Variants in HOOK3 observed in about 807,000 individuals in gnomAD.
HOOK3 encodes the protein hook microtubule tethering protein 3.
Under a neutral mutation model 116.3 loss-of-function variants are expected in HOOK3, and 24 were observed. The ratio of observed to expected loss-of-function variants is 0.21; its 90% confidence interval spans 0.15 to 0.29. The LOEUF (loss-of-function observed/expected upper bound fraction) is 0.29, where lower values mean the gene tolerates loss of function less well. Ranked by LOEUF, HOOK3 falls within the 10% of genes least tolerant of loss-of-function variation. The probability of loss-of-function intolerance (pLI) is 1.00; values close to 1 mark genes in which losing one functional copy is unlikely to be tolerated. For missense variants in HOOK3, 632 were observed against 830.2 expected (o/e 0.76, Z 2.93); for synonymous variants, 275 against 283.0 (o/e 0.97, Z 0.28).
chr8:43,002,383 A>G (rs1290650021), intron 17 of HOOK3, among the ~76,000 whole-genome samples: 1 of 152,216 alleles, frequency 6.6e-6, no homozygotes, highest in Non-Finnish European at 1.5e-5. Context: ...TGATAATCAT[A>G]GTTAGGAGTT....
At position 42,925,439 on chromosome 8, in the gene HOOK3, AT is replaced by A. The variant is rs1363198077; in HGVS notation, c.144-117del. 3.0e-5 allele frequency: 20 copies of A among 658,230 alleles called. No homozygotes were observed. In the African/African-American group the frequency reaches 3.4e-4, roughly 11 times the overall value. 40.8% of individuals were successfully genotyped at this position (658,230 alleles called of 1,614,324 possible). A position where few individuals can be genotyped will look rare whatever the true frequency, so the allele number is the denominator to read the frequency against. The stretch of plus-strand genomic sequence containing the variant: ...ACACGAAAGTTATTTCGTGGCTGAT[AT>A]GTGTCAAATACATTTTTATGTTGCA... On this transcript the variant is annotated intron_variant, in intron 2 of 21. Transcript: ENST00000307602.
intron 4 of HOOK3, among the ~76,000 whole-genome samples, chr8:42,931,423 CTCTT>C (rs1807870211): frequency 6.9e-6 from 1 of 144,608 alleles, no homozygotes; most frequent in Non-Finnish European, 1.5e-5. Context: ...TTCTTCTCTT[CTCTT>C]TTTTTTTTTT....
intron 6 of HOOK3, among the ~76,000 whole-genome samples, chr8:42,953,672 T>C (rs1262211179): frequency 6.6e-6 from 1 of 152,166 alleles, no homozygotes; most frequent in East Asian, 1.9e-4. Context: ...AATTTCCATT[T>C]GTTAGCAAAT....
In HOOK3 at chr8:43,007,904, T is replaced by C. The variant is rs1192948887; in HGVS notation, c.1713T>C (p.Asp571=). The C allele has an allele frequency of 6.3e-7, 1 of 1,596,960 alleles. No individual in the cohort carries two copies. ...AGAAGAAGAGAGCCATTATTGAAGA[T>C]CTCGAGCCAAGATTTAACAACAGCT... The part of the protein sequence containing the change: ...ELQKKRAIIE[D]LEPRFNNSSL... The change falls in exon 18 of 22, where the codon GAT becomes GAC. Residue 571 remains aspartate (D), a synonymous_variant. Transcript: ENST00000307602.
intron 4 of HOOK3, among the ~76,000 whole-genome samples, chr8:42,939,364 C>T (rs935357632): frequency 6.6e-6 from 1 of 151,058 alleles, no homozygotes; most frequent in Non-Finnish European, 1.5e-5. Context: ...TCCCACCTCC[C>T]TCCTGGACGG....
chr8:42,903,226 A>T (rs1281153656), intron 1 of HOOK3, among the ~76,000 whole-genome samples: 1 of 151,956 alleles, frequency 6.6e-6, no homozygotes, highest in African/African-American at 2.4e-5. Flanking sequence ...AAAACTTGCT[A>T]TGAGGATCTT....
intron 2 of HOOK3, among the ~76,000 whole-genome samples, chr8:42,918,405 GGT>G (rs1388562987): frequency 4.0e-5 from 6 of 151,590 alleles, no homozygotes; most frequent in African/African-American, 1.2e-4. Context: ...ATAAAATTTA[GGT>G]GTTTTTTTTA....
At chr8:42,972,218 A>G (rs950649985) in intron 11 of HOOK3, among the ~76,000 whole-genome samples, 7 of 151,900 alleles carry the variant, frequency 4.6e-5, no homozygotes, top group African/African-American at 1.5e-4. Flanking sequence ...CCTGAGGCTC[A>G]TGGGTTGAGG....
chr8:42,897,237 T>C, intron 1 of HOOK3, 49 bp downstream of exon 1: 1 of 1,184,212 alleles, frequency 8.4e-7, no homozygotes, highest in Non-Finnish European at 1.1e-6. Context: ...CCCCGCCACC[T>C]ACCGGGACCC....
At chr8:42,953,333 A>T (rs1249691303) in intron 6 of HOOK3, among the ~76,000 whole-genome samples, 1 of 151,278 alleles carries the variant, frequency 6.6e-6, no homozygotes, top group Non-Finnish European at 1.5e-5. Context: ...TGGGAGGTTG[A>T]GGTGGGTGGA....
At chr8:42,993,320 G>A (rs917167911) in intron 15 of HOOK3, among the ~76,000 whole-genome samples, 1 of 152,160 alleles carries the variant, frequency 6.6e-6, no homozygotes, top group African/African-American at 2.4e-5. Flanking sequence ...CTGGAGTGCA[G>A]TAGCTTAGTA....
chr8:42,987,513 G>T (rs1224545738), intron 15 of HOOK3, among the ~76,000 whole-genome samples: 1 of 152,162 alleles, frequency 6.6e-6, no homozygotes, highest in Admixed American at 6.5e-5. Flanking sequence ...TGTTGGTGTG[G>T]GGAGAGCAGT....
rs61448463 is a variant in HOOK3, at chr8:42,956,223, C to CGTGTGTGTGTGTGTGT, written c.469-844_469-829dup. On this transcript the variant is annotated intron_variant, in intron 6 of 21. Transcript: ENST00000307602. ...TCTCTTTGCAACATAAGGATTAGGG[C>CGTGTGTGTGTGTGTGT]GTGTGTGTGTGTGTGTGTGTGTGTG... 6.3e-3 allele frequency among the ~76,000 whole-genome samples: 855 copies of CGTGTGTGTGTGTGTGT among 135,862 alleles called. 6 individuals are homozygous for CGTGTGTGTGTGTGTGT. The highest frequency in any genetic ancestry group is 0.012 in the South Asian group (48 of 4,024). The allele number at this position is 135,862 out of a possible 152,430, so 89.1% of individuals were successfully genotyped here.
At chr8:42,956,195 T>G (rs1378081492) in intron 6 of HOOK3, among the ~76,000 whole-genome samples, 1 of 151,162 alleles carries the variant, frequency 6.6e-6, no homozygotes, top group East Asian at 1.9e-4. Context: ...TCTCTGGATC[T>G]TCTCTCTTTG....
intron 15 of HOOK3, among the ~76,000 whole-genome samples, chr8:42,992,182 C>T (rs943832948): frequency 4.0e-5 from 6 of 149,662 alleles, no homozygotes; most frequent in East Asian, 1.9e-4. Flanking sequence ...GGGTGGATCA[C>T]GAGGTCAGGA....
rs962090633 is a variant in HOOK3, at chr8:42,954,699, C to A, written c.469-2395C>A. Among the ~76,000 whole-genome samples the A allele has an allele frequency of 2.0e-5, 3 of 152,158 alleles. No individual in the cohort carries two copies. In the South Asian group the frequency reaches 6.2e-4, roughly 32 times the overall value. On this transcript the variant is annotated intron_variant, in intron 6 of 21. Transcript: ENST00000307602. ...TATGTACCAAGCACTGTAGTCAGCA[C>A]TAGGGATACAACCATGAAAAAGATA...
chr8:42,947,314 G>A (rs1214242293), intron 5 of HOOK3, among the ~76,000 whole-genome samples: 2 of 152,128 alleles, frequency 1.3e-5, no homozygotes, highest in African/African-American at 4.8e-5. Flanking sequence ...AACTTCTTAT[G>A]TATCCTTTTA....
chr8:42,899,284 G>C (rs180953394), intron 1 of HOOK3, among the ~76,000 whole-genome samples: 2 of 152,224 alleles, frequency 1.3e-5, no homozygotes, highest in Non-Finnish European at 2.9e-5. Flanking sequence ...ATTATCAGCT[G>C]TAGAGAGGTC....
intron 1 of HOOK3, among the ~76,000 whole-genome samples, chr8:42,904,955 A>G (rs1039876696): frequency 3.3e-5 from 5 of 152,118 alleles, no homozygotes; most frequent in Non-Finnish European, 5.9e-5. Context: ...GTTCTCAGGG[A>G]TTGATTTCCG....
Sources: gnomAD v4.1 joint callset for allele counts (sites outside exome capture counted in the v4.1 genomes callset) on GRCh38, gnomAD v4.1.1 for gene constraint, MANE v1.5 for transcripts, NCBI Gene and HGNC (gene_info 2026-07-23, HGNC 2026-07-21) for gene names.